The following RP1 variants were observed in gnomAD, a reference collection of about 807,000 sequenced individuals.
The protein encoded by RP1 is RP1 axonemal microtubule associated.
A neutral mutation model predicts 14.8 loss-of-function variants in RP1; 16 were observed. The observed-to-expected ratio is 1.08, with a 90% CI of 0.73 to 1.65. The LOEUF (loss-of-function observed/expected upper bound fraction) is 1.65, where lower values mean the gene tolerates loss of function less well. Ranked by LOEUF, RP1 falls within the 40% of genes most tolerant of loss-of-function variation. The pLI, the probability that RP1 is intolerant of heterozygous loss-of-function variation, is 0.00. For synonymous variants in RP1, 876 were observed against 883.6 expected (o/e 0.99, Z 0.15); for missense variants, 2,631 against 2,535.0 (o/e 1.04, Z -0.81).
At chr8:54,680,871 T>C (rs1051339178) in intron 12 of RP1, among the ~76,000 whole-genome samples, 2 of 150,720 alleles carry the variant, frequency 1.3e-5, no homozygotes, top group African/African-American at 4.9e-5. Flanking sequence ...GGCAGGAGAA[T>C]GGTGTGAACC....
At chr8:54,830,248 C>T (rs1383108310) in intron 24 of RP1, among the ~76,000 whole-genome samples, 1 of 151,404 alleles carries the variant, frequency 6.6e-6, no homozygotes, top group Non-Finnish European at 1.5e-5. Context: ...TATCTACTTG[C>T]TGAATTGACT....
chr8:54,720,353 G>T, intron 16 of RP1: 2 of 1,471,350 alleles, frequency 1.4e-6, no homozygotes, highest in Non-Finnish European at 9.1e-7. Context: ...CTTTATGATG[G>T]TTTGTGTACA....
At chr8:54,650,694 TC>T (rs1806639109) in intron 4 of RP1, among the ~76,000 whole-genome samples, 3 of 67,754 alleles carry the variant, frequency 4.4e-5, no homozygotes, top group African/African-American at 1.8e-4. Flanking sequence ...CCTCCTCCCC[TC>T]CCCTCCCCTC....
intron 18 of RP1, among the ~76,000 whole-genome samples, chr8:54,736,386 C>T (rs185139430): frequency 9.3e-4 from 141 of 152,172 alleles, no homozygotes; most frequent in African/African-American, 3.1e-3. Flanking sequence ...TTCAAATCAC[C>T]CTCTCACTAG....
intron 24 of RP1, among the ~76,000 whole-genome samples, chr8:54,787,207 A>C (rs960584521): frequency 6.6e-5 from 10 of 152,118 alleles, no homozygotes; most frequent in Non-Finnish European, 1.5e-4. Flanking sequence ...AAAATGAAGG[A>C]AATTAAACAT....
At chr8:54,656,226 T>C in intron 6 of RP1, 1 of 1,533,042 alleles carries the variant, frequency 6.5e-7, no homozygotes, top group South Asian at 1.2e-5. Flanking sequence ...GTAGGAAAGA[T>C]TCAACTCCAG....
chr8:54,787,237 G>A (rs970207266), intron 24 of RP1, among the ~76,000 whole-genome samples: 3 of 152,024 alleles, frequency 2.0e-5, no homozygotes, highest in Non-Finnish European at 2.9e-5. Flanking sequence ...AACAATCAAG[G>A]CAAAATTAAG....
Position 54,628,852 on chromosome 8 carries a change from G to T in RP1, c.4970G>T (p.Cys1657Phe), listed in dbSNP as rs779439709. 1.5e-5 allele frequency: 24 copies of T among 1,613,928 alleles called. No individual in the cohort carries two copies. Among genetic ancestry groups the T allele is most frequent in the Admixed American group, 5.0e-5 (3 of 59,998 alleles). The change falls in exon 4 of 4, where the codon TGT (cysteine) becomes TTT (phenylalanine). Residue 1657 changes from cysteine to phenylalanine, a missense_variant. By Grantham distance (205) the Cys-to-Phe change is radical (BLOSUM62 -2). Transcript: ENST00000220676. ...FPGSTRKSQV[C>F]PYNSVEFQCS... The stretch of plus-strand genomic sequence containing the variant: ...GGGTCTACCCGCAAATCTCAGGTTT[G>T]TCCTTATAATTCTGTGGAATTTCAG...
At chr8:54,576,908 G>C (rs1381477133) in intron 1 of RP1, among the ~76,000 whole-genome samples, 1 of 152,082 alleles carries the variant, frequency 6.6e-6, no homozygotes, top group African/African-American at 2.4e-5. Context: ...CTGAAAACTT[G>C]GTTTGATTAA....
chr8:54,865,708 T>C, intron 27 of RP1: 1 of 396,928 alleles, frequency 2.5e-6, no homozygotes. Context: ...ATAATTTGCA[T>C]GTGCATATTT....
rs1003848296 is a variant in RP1 at position 54,701,535 on chromosome 8, G to A, written c.1871G>A (p.Arg624His). The A allele has an allele frequency of 3.9e-5, 60 of 1,535,370 alleles. No individual in the cohort carries two copies. The African/African-American group carries it at 6.7e-4, about 17-fold the overall frequency. The change falls in exon 14 of 23, where the codon CGC (arginine) becomes CAC (histidine). Residue 624 changes from arginine to histidine, a missense_variant. By Grantham distance (29) the Arg-to-His change is conservative. Coordinates refer to the RP1 transcript ENST00000636932. ...CTGCGGGTGCTTTATCAGCCTAACC[G>A]CTGTGCACTTCTTGAGTCGGCACTG...
chr8:54,861,802 C>T (rs550649118), intron 27 of RP1, among the ~76,000 whole-genome samples: 4 of 152,086 alleles, frequency 2.6e-5, no homozygotes, highest in Non-Finnish European at 5.9e-5. Context: ...CGGGGTTTTG[C>T]CATGTTGGCC....
At chr8:54,726,801 T>C (rs2129352901) in intron 17 of RP1, among the ~76,000 whole-genome samples, 1 of 152,108 alleles carries the variant, frequency 6.6e-6, no homozygotes, top group South Asian at 2.1e-4. Flanking sequence ...AAACAGTAAA[T>C]TCTCACTAAA....
intron 18 of RP1, among the ~76,000 whole-genome samples, chr8:54,736,582 G>A (rs1185391934): frequency 6.6e-6 from 1 of 152,142 alleles, no homozygotes; most frequent in Non-Finnish European, 1.5e-5. Context: ...CAGGCACCAA[G>A]GACTCCCTCT....
chr8:54,810,590 C>T (rs576644884), intron 24 of RP1, among the ~76,000 whole-genome samples: 1 of 152,228 alleles, frequency 6.6e-6, no homozygotes, highest in East Asian at 1.9e-4. Context: ...CTATTGTTCC[C>T]AAGCAAGTTC....
At chr8:54,663,216 C>T (rs1247618645) in intron 6 of RP1, among the ~76,000 whole-genome samples, 3 of 152,098 alleles carry the variant, frequency 2.0e-5, no homozygotes, top group Non-Finnish European at 4.4e-5. Context: ...ACTGTCACAG[C>T]ATCGTAGTGC....
chr8:54,701,531 A>G, exon 14 of RP1: 1 of 1,535,620 alleles, frequency 6.5e-7, no homozygotes, highest in East Asian at 2.4e-5. Context: ...TTATCAGCCT[A>G]ACCGCTGTGC....
At chr8:54,603,235 C>T in intron 1 of RP1, among the ~76,000 whole-genome samples, 1 of 151,976 alleles carries the variant, frequency 6.6e-6, no homozygotes. Flanking sequence ...GGAAGGGATC[C>T]TGTTTCAGCT....
At chr8:54,729,660 A>T (rs530917570) in intron 17 of RP1, among the ~76,000 whole-genome samples, 1 of 152,244 alleles carries the variant, frequency 6.6e-6, no homozygotes, top group South Asian at 2.1e-4. Context: ...ACACTTGTAG[A>T]TTATATTAAA....
Sources: allele counts gnomAD v4.1 joint callset (sites outside exome capture counted in the v4.1 genomes callset), GRCh38; gene constraint gnomAD v4.1.1; transcripts MANE v1.5; gene names NCBI Gene and HGNC (gene_info 2026-07-23, HGNC 2026-07-21).